PARD3B: variants seen among roughly 807,000 people sequenced by gnomAD.
The protein encoded by PARD3B is par-3 family cell polarity regulator beta.
A neutral mutation model predicts 130.2 loss-of-function variants in PARD3B; 103 were observed. That is an observed-to-expected ratio of 0.79 (90% CI 0.67 to 0.93). PARD3B has a LOEUF of 0.93. Among genes scored for constraint, PARD3B ranks in the 40% least tolerant of loss-of-function variants. PARD3B has a pLI of 0.00. For missense variants in PARD3B, 1,609 were observed against 1,499.2 expected, an observed-to-expected ratio of 1.07 and a Z score of -1.21; for synonymous variants, 583 against 553.2, an observed-to-expected ratio of 1.05 and a Z score of -0.76.
chr2:204,930,581 C>A (rs1337756292), intron 2 of PARD3B, among the ~76,000 whole-genome samples: 3 of 152,028 alleles, frequency 2.0e-5, no homozygotes, highest in Non-Finnish European at 2.9e-5. Flanking sequence ...AAGTCAATAA[C>A]CCTAACTTCA....
At chr2:204,604,504 A>G (rs142365537) in intron 1 of PARD3B, among the ~76,000 whole-genome samples, 5 of 152,290 alleles carry the variant, frequency 3.3e-5, no homozygotes, top group African/African-American at 9.6e-5. Context: ...CCTGAAAGTC[A>G]TATGTTTTAA....
At chr2:204,548,522 T>C (rs1453266016) in intron 1 of PARD3B, among the ~76,000 whole-genome samples, 2 of 152,240 alleles carry the variant, frequency 1.3e-5, no homozygotes, top group Admixed American at 6.5e-5. Context: ...ACTGTGTCTT[T>C]AGATGTTTGC....
chr2:204,901,038 G>A (rs1194171729), intron 2 of PARD3B, among the ~76,000 whole-genome samples: 1 of 152,050 alleles, frequency 6.6e-6, no homozygotes, highest in Non-Finnish European at 1.5e-5. Context: ...GACCCTTGTG[G>A]CCATCATTAC....
chr2:204,886,016 T>C (rs756196810), intron 2 of PARD3B, among the ~76,000 whole-genome samples: 17 of 152,338 alleles, frequency 1.1e-4, no homozygotes, highest in East Asian at 5.8e-4. Context: ...CTGCAGAGAA[T>C]AGCTGAATTG....
At chr2:205,364,165 C>A (rs536973716) in intron 18 of PARD3B, among the ~76,000 whole-genome samples, 3 of 152,254 alleles carry the variant, frequency 2.0e-5, no homozygotes, top group African/African-American at 7.2e-5. Context: ...TTGCATTTGT[C>A]TATTGACTTT....
chr2:204,791,986 G>A (rs1173873686), intron 2 of PARD3B, among the ~76,000 whole-genome samples: 1 of 152,162 alleles, frequency 6.6e-6, no homozygotes, highest in African/African-American at 2.4e-5. Flanking sequence ...ACCTTATACT[G>A]TCTAAAATTT....
intron 2 of PARD3B, among the ~76,000 whole-genome samples, chr2:204,909,551 A>T (rs182642023): frequency 6.6e-6 from 1 of 152,184 alleles, no homozygotes; most frequent in Non-Finnish European, 1.5e-5. Context: ...GATTTGTGTG[A>T]AAGTTTTCCT....
chr2:205,228,605 C>G (rs1490327973), intron 15 of PARD3B, among the ~76,000 whole-genome samples: 1 of 152,048 alleles, frequency 6.6e-6, no homozygotes, highest in Non-Finnish European at 1.5e-5. Context: ...GGTAAATTTG[C>G]TTGGTGTTCT....
chr2:205,118,016 G>A (rs1255361348), intron 6 of PARD3B, among the ~76,000 whole-genome samples: 1 of 151,682 alleles, frequency 6.6e-6, no homozygotes, highest in African/African-American at 2.4e-5. Flanking sequence ...CTGATTCTAA[G>A]CTACAGCCAC....
chr2:205,129,392 A>G (rs1322167832), intron 10 of PARD3B, among the ~76,000 whole-genome samples: 2 of 152,244 alleles, frequency 1.3e-5, no homozygotes, highest in East Asian at 3.9e-4. Flanking sequence ...ATAGTGTGGC[A>G]TACACCGGCC....
chr2:205,144,679 G>A (rs1176972883), intron 10 of PARD3B, among the ~76,000 whole-genome samples: 1 of 152,102 alleles, frequency 6.6e-6, no homozygotes, highest in African/African-American at 2.4e-5. Flanking sequence ...GATATGGTAA[G>A]AACTTTTTCA....
chr2:205,305,109 G>A (rs977073304), intron 18 of PARD3B, among the ~76,000 whole-genome samples: 1 of 152,148 alleles, frequency 6.6e-6, no homozygotes, highest in Non-Finnish European at 1.5e-5. Context: ...GAAAAAGACT[G>A]AAGAAAGCAG....
chr2:204,904,389 T>C (rs2046972231), intron 2 of PARD3B, among the ~76,000 whole-genome samples: 1 of 152,204 alleles, frequency 6.6e-6, no homozygotes, highest in Non-Finnish European at 1.5e-5. Flanking sequence ...GTTAATAATC[T>C]ACTCCAGGTT....
Position 204,677,919 on chromosome 2 carries a change from G to T in PARD3B, c.121-8262G>T, listed in dbSNP as rs548678505. On this transcript the variant is annotated intron_variant, in intron 1 of 22. Coordinates refer to ENST00000406610, the MANE Select transcript of PARD3B (RefSeq NM_001302769.2). This position sits in a 1 kb window ranked among gnomAD's most constrained non-coding sequence, Gnocchi z 4.1. ...TAGACTTACTCTGAACAGCTTTTTG[G>T]TGGTCTTCATTTGTTTAGCTGTAGA... Among the ~76,000 whole-genome samples, 2 of 152,244 alleles carry T rather than the reference G, an allele frequency of 1.3e-5. No homozygotes were observed. Among genetic ancestry groups the T allele is most frequent in the South Asian group, 2.1e-4 (1 of 4,832 alleles).
chr2:204,857,602 T>C (rs1277281248), intron 2 of PARD3B, among the ~76,000 whole-genome samples: 1 of 152,300 alleles, frequency 6.6e-6, no homozygotes, highest in African/African-American at 2.4e-5. Context: ...TAATTATAGA[T>C]AAATATTTTT....
chr2:205,334,563 G>A (rs1234730750), intron 18 of PARD3B, among the ~76,000 whole-genome samples: 2 of 152,142 alleles, frequency 1.3e-5, no homozygotes. Context: ...GTTGTCAGAG[G>A]GCAGATATAG....
chr2:205,092,164 A>G (rs190289078), intron 4 of PARD3B, among the ~76,000 whole-genome samples: 252 of 152,232 alleles, frequency 1.7e-3, no homozygotes, highest in African/African-American at 5.8e-3. Flanking sequence ...ATAAGGCATG[A>G]GAGAGGGAGA....
intron 21 of PARD3B, among the ~76,000 whole-genome samples, chr2:205,514,106 AT>A (rs2050695443): frequency 6.6e-6 from 1 of 152,146 alleles, no homozygotes; most frequent in South Asian, 2.1e-4. Flanking sequence ...GGATCTGAGC[AT>A]TTCTGCATCA....
chr2:205,419,339 A>AT lies in PARD3B; in HGVS notation c.2741+18217dup, dbSNP rs370462824. The stretch of plus-strand genomic sequence containing the variant: ...CTTGTTCCTTCTTGCCTTCGCCATG[A>AT]TGTGAGGCCCCCACTAGCCATGTAA... On this transcript the variant is annotated intron_variant, in intron 19 of 22. Coordinates refer to ENST00000406610, the MANE Select transcript of PARD3B (RefSeq NM_001302769.2). Among the ~76,000 whole-genome samples the AT allele has an allele frequency of 2.4e-3, 372 of 152,104 alleles. 7 individuals are homozygous for AT. Among genetic ancestry groups the AT allele is most frequent in the African/African-American group, 8.6e-3 (357 of 41,482 alleles).
Sources: gnomAD v4.1 joint callset for allele counts (sites outside exome capture counted in the v4.1 genomes callset) on GRCh38, gnomAD v4.1.1 for gene constraint, Gnocchi (gnomAD v3.1) non-coding constraint, MANE v1.5 for transcripts, NCBI Gene and HGNC (gene_info 2026-07-23, HGNC 2026-07-21) for gene names.